FBXL13: variants seen among roughly 807,000 people sequenced by gnomAD.
The protein encoded by FBXL13 is F-box and leucine rich repeat protein 13, also known as F-box and leucine-rich repeat protein 13.
A neutral mutation model predicts 83.6 loss-of-function variants in FBXL13; 67 were observed. The ratio of observed to expected loss-of-function variants is 0.80; its 90% confidence interval spans 0.66 to 0.98. The LOEUF is 0.98. Among genes scored for constraint, FBXL13 ranks in the 50% least tolerant of loss-of-function variants. The pLI is 0.00. For missense variants in FBXL13, 822 were observed against 866.5 expected (o/e 0.95, Z 0.64); for synonymous variants, 272 against 299.5 (o/e 0.91, Z 0.95).
At chr7:103,010,244 GC>G (rs1322194086) in intron 6 of FBXL13, among the ~76,000 whole-genome samples, 1 of 151,322 alleles carries the variant, frequency 6.6e-6, no homozygotes, top group African/African-American at 2.4e-5. Flanking sequence ...AGAGCTTTCA[GC>G]CCAGTGTTCC....
chr7:102,939,959 A>G (rs1444021273), intron 8 of FBXL13, among the ~76,000 whole-genome samples: 1 of 151,278 alleles, frequency 6.6e-6, no homozygotes, highest in Non-Finnish European at 1.5e-5. Flanking sequence ...CAATGGTGTG[A>G]TCTCGGCTCA....
intron 10 of FBXL13, among the ~76,000 whole-genome samples, chr7:102,919,977 T>C (rs931964178): frequency 6.6e-6 from 1 of 152,146 alleles, no homozygotes; most frequent in Non-Finnish European, 1.5e-5. Context: ...AACACTACAA[T>C]TCGATATTAA....
At chr7:102,984,441 A>G (rs1293738450) in intron 6 of FBXL13, among the ~76,000 whole-genome samples, 1 of 152,228 alleles carries the variant, frequency 6.6e-6, no homozygotes, top group African/African-American at 2.4e-5. Flanking sequence ...TGGCTTATGC[A>G]ATAATGAAGG....
chr7:102,922,048 A>T (rs1817137494), intron 10 of FBXL13, among the ~76,000 whole-genome samples: 1 of 151,824 alleles, frequency 6.6e-6, no homozygotes, highest in African/African-American at 2.4e-5. Context: ...AAATCAGCAG[A>T]GTGTGGTGGC....
At chr7:102,866,094 A>G (rs556798352) in intron 16 of FBXL13, among the ~76,000 whole-genome samples, 26 of 152,310 alleles carry the variant, frequency 1.7e-4, no homozygotes, top group African/African-American at 6.0e-4. Flanking sequence ...GCAAGCTTTG[A>G]TCACCACACA....
Position 103,024,410 on chromosome 7 carries a change from C to G in FBXL13, c.495+653G>C, listed in dbSNP as rs1425574949. Among the ~76,000 whole-genome samples the G allele has an allele frequency of 2.0e-5, 3 of 151,418 alleles. No homozygotes were observed. The East Asian group carries it at 5.8e-4, about 29-fold the overall frequency. On this transcript the variant is annotated intron_variant, in intron 6 of 19. Transcript: ENST00000313221. The stretch of plus-strand genomic sequence containing the variant: ...GGGCGTAGTGGTGGGCACCTGTAAT[C>G]CCAGCTACCTGGAGGCTGAGGCTGG...
At chr7:102,848,823 G>A (rs117630202) in intron 17 of FBXL13, among the ~76,000 whole-genome samples, 4,412 of 151,876 alleles carry the variant, frequency 0.029, 185 homozygotes, top group East Asian at 0.16. Flanking sequence ...ACATGGTGAA[G>A]TCGCATTTCT....
intron 1 of FBXL13, among the ~76,000 whole-genome samples, chr7:103,072,248 T>C (rs770377851): frequency 1.3e-5 from 2 of 151,822 alleles, no homozygotes; most frequent in Non-Finnish European, 2.9e-5. Flanking sequence ...ACAGACAGGA[T>C]ATGAGGCAGA....
At chr7:102,942,275 T>A (rs376794983) in intron 8 of FBXL13, 217 of 1,588,042 alleles carry the variant, frequency 1.4e-4, no homozygotes, top group Non-Finnish European at 1.7e-4. Flanking sequence ...AAATGAAAGG[T>A]CTCCTATATT....
intron 11 of FBXL13, among the ~76,000 whole-genome samples, chr7:102,898,998 C>T (rs1812634608): frequency 1.3e-5 from 2 of 152,278 alleles, no homozygotes; most frequent in African/African-American, 4.8e-5. Flanking sequence ...CTTACTGCAA[C>T]CTCCATCTTC....
At chr7:103,023,739 T>C (rs1286263470) in intron 6 of FBXL13, among the ~76,000 whole-genome samples, 4 of 152,100 alleles carry the variant, frequency 2.6e-5, no homozygotes, top group Non-Finnish European at 4.4e-5. Context: ...CCATCAACAG[T>C]AGACTGGATT....
chr7:102,958,284 G>A (rs1317199841), intron 8 of FBXL13, among the ~76,000 whole-genome samples: 1 of 151,886 alleles, frequency 6.6e-6, no homozygotes, highest in Non-Finnish European at 1.5e-5. Flanking sequence ...ACTATCACAA[G>A]GACAGAAAAC....
intron 8 of FBXL13, among the ~76,000 whole-genome samples, chr7:102,962,143 AAAAC>A (rs1825321131): frequency 6.6e-6 from 1 of 151,316 alleles, no homozygotes; most frequent in Non-Finnish European, 1.5e-5. Context: ...TTACAAGAAA[AAAAC>A]AAACAACCCC....
intron 8 of FBXL13, among the ~76,000 whole-genome samples, chr7:102,962,063 G>A (rs1295020155): frequency 6.6e-6 from 1 of 150,870 alleles, no homozygotes; most frequent in Non-Finnish European, 1.5e-5. Flanking sequence ...TACAAAATGG[G>A]AGAAAATTTT....
At chr7:103,038,650 GC>G (rs1795330835) in intron 2 of FBXL13, among the ~76,000 whole-genome samples, 1 of 152,194 alleles carries the variant, frequency 6.6e-6, no homozygotes, top group African/African-American at 2.4e-5. Flanking sequence ...CTGTTCTGCA[GC>G]CTCCACTGGT....
At chr7:102,908,860 C>T (rs1814186318) in intron 11 of FBXL13, among the ~76,000 whole-genome samples, 1 of 152,206 alleles carries the variant, frequency 6.6e-6, no homozygotes, top group Admixed American at 6.5e-5. Context: ...GCTATCACAG[C>T]ACTGGGTCTT....
chr7:102,963,779 A>G, intron 7 of FBXL13, 114 bp from the exon 9 acceptor site: 1 of 972,846 alleles, frequency 1.0e-6, no homozygotes, highest in Non-Finnish European at 1.5e-6. Flanking sequence ...TCTGTACAGC[A>G]AAAGAAACTA....
intron 17 of FBXL13, among the ~76,000 whole-genome samples, chr7:102,844,014 T>C (rs541256774): frequency 2.0e-5 from 3 of 152,274 alleles, no homozygotes; most frequent in African/African-American, 7.2e-5. Flanking sequence ...CTGCAAGATA[T>C]TAGTAAACCA....
At chr7:102,974,615 G>A (rs945184537) in intron 6 of FBXL13, among the ~76,000 whole-genome samples, 1 of 152,052 alleles carries the variant, frequency 6.6e-6, no homozygotes, top group African/African-American at 2.4e-5. Context: ...TTTGCACTCA[G>A]ATCACAACCC....
Sources: allele counts gnomAD v4.1 joint callset (sites outside exome capture counted in the v4.1 genomes callset), GRCh38; gene constraint gnomAD v4.1.1; transcripts MANE v1.5; gene names NCBI Gene and HGNC (gene_info 2026-07-23, HGNC 2026-07-21).